The following ERICH6B variants were observed in gnomAD, a reference collection of about 807,000 sequenced individuals.
ERICH6B encodes glutamate rich 6B, also known as glutamate-rich protein 6B.
A neutral mutation model predicts 80.0 loss-of-function variants in ERICH6B; 69 were observed. The observed-to-expected ratio is 0.86, with a 90% CI of 0.71 to 1.05. The LOEUF is 1.05. Among genes scored for constraint, ERICH6B ranks in the 50% least tolerant of loss-of-function variants. The pLI is 0.00. For synonymous variants in ERICH6B, 283 were observed against 291.9 expected (o/e 0.97, Z 0.31); for missense variants, 754 against 796.1 (o/e 0.95, Z 0.64).
chr13:45,592,978 C>T (rs1425749228), intron 3 of ERICH6B, among the ~76,000 whole-genome samples: 1 of 152,208 alleles, frequency 6.6e-6, no homozygotes, highest in African/African-American at 2.4e-5. Context: ...AAGGTCTAGA[C>T]TCCACCGTGT....
chr13:45,555,911 C>CT (rs1443594975), intron 11 of ERICH6B, among the ~76,000 whole-genome samples: 2 of 150,332 alleles, frequency 1.3e-5, no homozygotes, highest in Non-Finnish European at 3.0e-5. Context: ...TTCTTTCCCA[C>CT]TTGCCTATGG....
chr13:45,545,063 C>G, intron 13 of ERICH6B, 78 bp from the exon 14 acceptor site: 1 of 1,209,206 alleles, frequency 8.3e-7, no homozygotes. Flanking sequence ...CCTTCCCTTT[C>G]TTTTCCCCTA....
chr13:45,579,158 C>T (rs1875549257), intron 7 of ERICH6B, among the ~76,000 whole-genome samples: 1 of 152,116 alleles, frequency 6.6e-6, no homozygotes, highest in South Asian at 2.1e-4. Context: ...TCTAAAATGC[C>T]CATGGAAATG....
rs1255766537 is a variant in ERICH6B at position 45,549,975 on chromosome 13, C to G, written c.1564G>C (p.Glu522Gln). The change falls in exon 13 of 15, where the codon GAA becomes CAA. Residue 522 changes from glutamate (E) to glutamine (Q), a missense_variant. Glu to Gln is a conservative substitution (Grantham distance 29, BLOSUM62 2). Coordinates refer to ENST00000298738, the MANE Select transcript of ERICH6B (RefSeq NM_182542.3). Reference sequence around the variant, plus strand: ...CGGATCCTCCCTTCTAGACTGTCTTCCAGAATGATGTATGTGAACTTTTTC... The same window carrying G: ...CGGATCCTCCCTTCTAGACTGTCTTGCAGAATGATGTATGTGAACTTTTTC... Reference protein sequence around the residue: ...KMKKFTYIILEDSLEGRIRAL... With the variant: ...KMKKFTYIILQDSLEGRIRAL... 1 of 1,551,688 alleles carries G rather than the reference C, an allele frequency of 6.4e-7. No individual in the cohort carries two copies. Among genetic ancestry groups the G allele is most frequent in the African/African-American group, 1.4e-5 (1 of 73,042 alleles).
At chr13:45,612,340 G>A (rs911133198) in intron 1 of ERICH6B, among the ~76,000 whole-genome samples, 5 of 152,190 alleles carry the variant, frequency 3.3e-5, no homozygotes, top group Non-Finnish European at 5.9e-5. Context: ...CCTATAGATA[G>A]TCTTCAAGAA....
At chr13:45,612,529 C>T (rs1949905662) in intron 1 of ERICH6B, among the ~76,000 whole-genome samples, 1 of 152,096 alleles carries the variant, frequency 6.6e-6, no homozygotes, top group Non-Finnish European at 1.5e-5. Context: ...GGTATGGGGC[C>T]CATGAGAGAA....
chr13:45,542,916 G>C (rs115333870), intron 14 of ERICH6B, among the ~76,000 whole-genome samples: 2 of 152,180 alleles, frequency 1.3e-5, no homozygotes, highest in Non-Finnish European at 2.9e-5. Flanking sequence ...GCAAACCGAC[G>C]TGTCTGGCCA....
At chr13:45,586,117 G>A (rs1304859957) in intron 5 of ERICH6B, among the ~76,000 whole-genome samples, 8 of 152,034 alleles carry the variant, frequency 5.3e-5, no homozygotes, top group African/African-American at 9.7e-5. Flanking sequence ...TTGGGGCTCC[G>A]TGGGAGCACA....
chr13:45,590,763 C>T (rs537560094), intron 3 of ERICH6B, 66 bp from the exon 4 acceptor site: 17 of 1,413,298 alleles, frequency 1.2e-5, no homozygotes, highest in South Asian at 5.0e-5. Flanking sequence ...TTTAAAAATA[C>T]GTTGTTAAGT....
At chr13:45,579,879 C>G (rs2138000430) in intron 7 of ERICH6B, 54 bp downstream of exon 7, 2 of 1,537,968 alleles carry the variant, frequency 1.3e-6, no homozygotes, top group East Asian at 4.9e-5. Flanking sequence ...CTTCCCCACC[C>G]AGGGCACTCT....
chr13:45,575,208 T>C (rs1875342963), intron 7 of ERICH6B, among the ~76,000 whole-genome samples: 1 of 152,192 alleles, frequency 6.6e-6, no homozygotes, highest in African/African-American at 2.4e-5. Context: ...TCTGACAAAG[T>C]GGTCTTTGAA....
intron 8 of ERICH6B, among the ~76,000 whole-genome samples, chr13:45,569,332 G>A (rs1875055374): frequency 6.6e-6 from 1 of 152,132 alleles, no homozygotes; most frequent in African/African-American, 2.4e-5. Context: ...CACCATGTTG[G>A]CCAGGCTGGT....
At chr13:45,586,077 T>G (rs926840718) in intron 5 of ERICH6B, among the ~76,000 whole-genome samples, 4 of 114,378 alleles carry the variant, frequency 3.5e-5, no homozygotes, top group African/African-American at 1.4e-4. Context: ...TCGGTGGTCA[T>G]GCTTACTGAC....
chr13:45,609,911 G>A (rs961868681), intron 1 of ERICH6B, among the ~76,000 whole-genome samples: 5 of 152,182 alleles, frequency 3.3e-5, no homozygotes, highest in African/African-American at 1.2e-4. Context: ...GCCAACCTTC[G>A]TCTTGCCTTT....
Position 45,544,365 on chromosome 13 carries a change from G to A in ERICH6B, c.1872+395C>T, listed in dbSNP as rs74854029. ...GCTGGGATTACAGGCATAAGCCACC[G>A]CAACTGGCCTACACCCAGTTAATTT... On this transcript the variant is annotated intron_variant, in intron 14 of 14. Coordinates refer to ENST00000298738, the MANE Select transcript of ERICH6B (RefSeq NM_182542.3). 7.0e-4 allele frequency among the ~76,000 whole-genome samples: 106 copies of A among 152,244 alleles called. 2 individuals are homozygous for A. In the East Asian group the frequency reaches 0.019, roughly 27 times the overall value.
chr13:45,602,744 C>G (rs1333050898), intron 2 of ERICH6B, among the ~76,000 whole-genome samples: 1 of 152,180 alleles, frequency 6.6e-6, no homozygotes, highest in African/African-American at 2.4e-5. Flanking sequence ...TCATATCCAC[C>G]AGGAGAGCAG....
intron 9 of ERICH6B, among the ~76,000 whole-genome samples, chr13:45,567,264 A>C (rs1874956663): frequency 6.6e-6 from 1 of 152,198 alleles, no homozygotes; most frequent in Admixed American, 6.5e-5. Flanking sequence ...TCGGACTGTA[A>C]ACTTTTGAAT....
At chr13:45,599,886 A>G (rs1011273825) in intron 2 of ERICH6B, among the ~76,000 whole-genome samples, 1 of 152,230 alleles carries the variant, frequency 6.6e-6, no homozygotes, top group African/African-American at 2.4e-5. Context: ...CAGACAGTTA[A>G]GAAGCAGCGG....
intron 9 of ERICH6B, among the ~76,000 whole-genome samples, chr13:45,564,596 T>A (rs1333275933): frequency 2.6e-5 from 4 of 152,232 alleles, no homozygotes; most frequent in Non-Finnish European, 5.9e-5. Context: ...CACTGTTACC[T>A]AGCACAGAGC....
Sources: allele counts gnomAD v4.1 joint callset (sites outside exome capture counted in the v4.1 genomes callset), GRCh38; gene constraint gnomAD v4.1.1; transcripts MANE v1.5; gene names NCBI Gene and HGNC (gene_info 2026-07-23, HGNC 2026-07-21).